The following IPO11 variants were observed in gnomAD, a reference collection of about 807,000 sequenced individuals.
IPO11 encodes importin 11, also known as importin-11.
In IPO11, 66 loss-of-function variants were observed where a neutral mutation model predicts 143.2. That is an observed-to-expected ratio of 0.46 (90% CI 0.38 to 0.57). The LOEUF (loss-of-function observed/expected upper bound fraction) is 0.57. IPO11 is among the 20% of genes least tolerant of loss of function. IPO11 has a pLI of 0.00. For missense variants in IPO11, 1,026 were observed against 1,141.0 expected (o/e 0.90, Z 1.45); for synonymous variants, 385 against 377.8 (o/e 1.02, Z -0.22).
chr5:62,468,949 A>G (rs765781862), intron 6 of IPO11, among the ~76,000 whole-genome samples: 35 of 152,216 alleles, frequency 2.3e-4, no homozygotes, highest in Non-Finnish European at 4.9e-4. Context: ...GGATGCATTC[A>G]TTATTTCATT....
intron 27 of IPO11, among the ~76,000 whole-genome samples, chr5:62,586,180 C>A (rs1744764955): frequency 6.6e-6 from 1 of 152,238 alleles, no homozygotes; most frequent in South Asian, 2.1e-4. Flanking sequence ...TATTAGAAAG[C>A]TGTAACAAAA....
At position 62,617,662 on chromosome 5, in the gene IPO11, G is replaced by T. The variant is rs1352363962; in HGVS notation, c.2764-9492G>T. 2.0e-5 allele frequency among the ~76,000 whole-genome samples: 3 copies of T among 151,620 alleles called. No homozygotes were observed. In the South Asian group the frequency reaches 6.2e-4, roughly 31 times the overall value. On this transcript the variant is annotated intron_variant, in intron 29 of 29. Transcript: ENST00000325324. Reference sequence around the variant, plus strand: ...TATTAAAGTTGATTTTTTTTTTAATGTAAAGAGTTCGCCCCATTGCTGGAA... The same window carrying T: ...TATTAAAGTTGATTTTTTTTTTAATTTAAAGAGTTCGCCCCATTGCTGGAA...
At chr5:62,453,325 A>G (rs1013564765) in intron 5 of IPO11, among the ~76,000 whole-genome samples, 2 of 150,948 alleles carry the variant, frequency 1.3e-5, no homozygotes, top group African/African-American at 2.5e-5. Flanking sequence ...TCTGGTCTCT[A>G]CTTCACCATC....
intron 21 of IPO11, among the ~76,000 whole-genome samples, chr5:62,528,023 G>A: frequency 1.3e-5 from 2 of 152,200 alleles, no homozygotes; most frequent in Non-Finnish European, 2.9e-5. Flanking sequence ...GTTTGCTGAA[G>A]TGGTTGGCAC....
intron 27 of IPO11, among the ~76,000 whole-genome samples, chr5:62,564,203 T>C (rs576083328): frequency 1.0e-3 from 156 of 152,226 alleles, no homozygotes; most frequent in African/African-American, 3.6e-3. Context: ...AAAAAAACCT[T>C]TATTGCAGTA....
At chr5:62,624,900 G>A (rs1746504747) in intron 29 of IPO11, among the ~76,000 whole-genome samples, 1 of 151,122 alleles carries the variant, frequency 6.6e-6, no homozygotes, top group South Asian at 2.1e-4. Context: ...CAGGAGAATG[G>A]CGTGAACCCA....
At chr5:62,582,203 G>A (rs371385600) in intron 27 of IPO11, among the ~76,000 whole-genome samples, 9 of 152,270 alleles carry the variant, frequency 5.9e-5, no homozygotes, top group African/African-American at 1.9e-4. Flanking sequence ...CAATAAAACC[G>A]GAGCCAGAAT....
chr5:62,482,997 A>T, intron 9 of IPO11, 104 bp from the exon 10 acceptor site: 8 of 763,952 alleles, frequency 1.0e-5, no homozygotes, highest in Non-Finnish European at 1.5e-5. Flanking sequence ...ACTAAGGTTC[A>T]AACTGCTAAA....
chr5:62,435,098 A>G (rs1379855460), intron 1 of IPO11, among the ~76,000 whole-genome samples: 2 of 71,980 alleles, frequency 2.8e-5, no homozygotes, highest in Non-Finnish European at 5.9e-5. Flanking sequence ...ATATGTATAT[A>G]TGTATATATA....
chr5:62,467,955 G>GT (rs748881522), intron 6 of IPO11, among the ~76,000 whole-genome samples: 17 of 151,774 alleles, frequency 1.1e-4, no homozygotes, highest in South Asian at 4.2e-4. Context: ...TTTGTTTTTT[G>GT]TTTTTTTGGA....
chr5:62,598,968 T>G (rs1745398304), intron 28 of IPO11, among the ~76,000 whole-genome samples: 3 of 152,146 alleles, frequency 2.0e-5, no homozygotes. Context: ...TTTTGGTGGT[T>G]TGCCCTAACA....
At chr5:62,619,160 C>T (rs1281605895) in intron 29 of IPO11, among the ~76,000 whole-genome samples, 2 of 152,050 alleles carry the variant, frequency 1.3e-5, no homozygotes, top group African/African-American at 4.8e-5. Flanking sequence ...ACCCAGGAGG[C>T]GGAGGCTGTA....
intron 1 of IPO11, among the ~76,000 whole-genome samples, chr5:62,423,556 CTG>C (rs2112100710): frequency 6.6e-6 from 1 of 152,318 alleles, no homozygotes; most frequent in African/African-American, 2.4e-5. Flanking sequence ...TTAGTGATCT[CTG>C]TGTCCGTTAG....
rs182809778 is a variant in IPO11 at position 62,537,036 on chromosome 5, T to C, written c.2170-173T>C. On this transcript the variant is annotated intron_variant, in intron 23 of 29. Transcript: ENST00000325324. ...TCAGTGTATCAATAATCTATATTTT[T>C]ATTTGGCATAATCTTTTTTAACTTT... 4.0e-3 allele frequency among the ~76,000 whole-genome samples: 603 copies of C among 152,262 alleles called. 3 individuals carry two copies. Among genetic ancestry groups the C allele is most frequent in the Middle Eastern group, 0.014 (4 of 294 alleles).
rs967486982 is a variant in IPO11 at position 62,604,826 on chromosome 5, G to T, written c.2763+2978G>T. ...GCAGTTTTTGACTGAAGCTGGGATT[G>T]TGTATTGTATAACATTTAATAAATC... On this transcript the variant is annotated intron_variant, in intron 29 of 29. Transcript: ENST00000325324. Among the ~76,000 whole-genome samples, 3 of 152,234 alleles carry T rather than the reference G, an allele frequency of 2.0e-5. No individual in the cohort carries two copies. The South Asian group carries it at 6.2e-4, about 32-fold the overall frequency.
At chr5:62,468,666 A>G (rs1163409141) in intron 6 of IPO11, among the ~76,000 whole-genome samples, 2 of 152,210 alleles carry the variant, frequency 1.3e-5, no homozygotes, top group Non-Finnish European at 2.9e-5. Flanking sequence ...TTTTGATTAT[A>G]GGGTTTTCTT....
chr5:62,428,342 TTTTA>T (rs909275151), intron 1 of IPO11, among the ~76,000 whole-genome samples: 2 of 151,780 alleles, frequency 1.3e-5, no homozygotes, highest in African/African-American at 4.8e-5. Flanking sequence ...ATAAGTCACA[TTTTA>T]TTTATTTATT....
intron 27 of IPO11, among the ~76,000 whole-genome samples, chr5:62,564,584 A>T (rs32161): frequency 0.8 from 122,003 of 152,014 alleles, 49,768 homozygotes; most frequent in African/African-American, 0.95. Flanking sequence ...TCCAGATGAT[A>T]ATTTTTTGTG....
At chr5:62,610,875 G>C (rs979890908) in intron 29 of IPO11, among the ~76,000 whole-genome samples, 1 of 151,702 alleles carries the variant, frequency 6.6e-6, no homozygotes, top group Non-Finnish European at 1.5e-5. Context: ...AGGGTATTTT[G>C]ATCAACAGTA....
Sources: gnomAD v4.1 joint callset for allele counts (sites outside exome capture counted in the v4.1 genomes callset) on GRCh38, gnomAD v4.1.1 for gene constraint, MANE v1.5 for transcripts, NCBI Gene and HGNC (gene_info 2026-07-23, HGNC 2026-07-21) for gene names.